Variants in LANCL3 observed in about 807,000 individuals in gnomAD.
LANCL3 encodes the protein LanC like family member 3.
A neutral mutation model predicts 26.5 loss-of-function variants in LANCL3; 19 were observed. The ratio of observed to expected loss-of-function variants is 0.72; its 90% confidence interval spans 0.50 to 1.05. The LOEUF (loss-of-function observed/expected upper bound fraction) is 1.05. Among genes scored for constraint, LANCL3 ranks in the 50% least tolerant of loss-of-function variants. The probability of loss-of-function intolerance (pLI) is 0.00; values close to 1 mark genes in which losing one functional copy is unlikely to be tolerated. For missense variants in LANCL3, 318 were observed against 362.7 expected (o/e 0.88, Z 1.00); for synonymous variants, 160 against 166.6 (o/e 0.96, Z 0.30).
chrX:37,638,395 G>A (rs1408491071), intron 1 of LANCL3, among the ~76,000 whole-genome samples: 1 of 111,480 alleles, frequency 9.0e-6, no homozygotes. Flanking sequence ...GTATCAGCCT[G>A]GAGGTAATGT....
In LANCL3 at chrX:37,589,408, A is replaced by G. The variant is rs186372660; in HGVS notation, c.573+16965A>G. On this transcript the variant is annotated intron_variant, in intron 1 of 4. Coordinates refer to ENST00000378619, the MANE Select transcript of LANCL3 (RefSeq NM_001170331.2). ...GCACCTACCTCATAGGTGTGCTAGG[A>G]AGGGCCACTGAGAATGTGTGGTAAC... Among the ~76,000 whole-genome samples, 878 of 111,285 alleles carry G rather than the reference A, an allele frequency of 7.9e-3. 5 individuals carry two copies. Among genetic ancestry groups the G allele is most frequent in the African/African-American group, 0.027 (834 of 30,475 alleles).
At chrX:37,675,323 G>GA (rs1926769997) in intron 4 of LANCL3, among the ~76,000 whole-genome samples, 1 of 112,056 alleles carries the variant, frequency 8.9e-6, no homozygotes, top group Non-Finnish European at 1.9e-5. Flanking sequence ...TTCTTTTCAA[G>GA]ATAAATAAAA....
intron 4 of LANCL3, among the ~76,000 whole-genome samples, chrX:37,672,661 C>G (rs1444865607): frequency 8.9e-6 from 1 of 111,754 alleles, no homozygotes; most frequent in Non-Finnish European, 1.9e-5. Context: ...AAGCTCAAAA[C>G]CAGAAGTCTT....
At position 37,680,158 on chromosome X, in the gene LANCL3, T is replaced by C. The variant is rs782743338; in HGVS notation, c.*4345T>C. On this transcript the variant is annotated 3_prime_UTR_variant, in exon 5 of 5. Transcript: ENST00000378619. Reference sequence around the variant, plus strand: ...ACCTCAAGGTCAGCAGCAACAGAAGTTGGGCCTAGTAGTCAGATCACAAGT... The same window carrying C: ...ACCTCAAGGTCAGCAGCAACAGAAGCTGGGCCTAGTAGTCAGATCACAAGT... The C allele has an allele frequency of 1.8e-5, 2 of 111,444 alleles. No homozygotes were observed. Among genetic ancestry groups the C allele is most frequent in the Admixed American group, 9.5e-5 (1 of 10,476 alleles). 9.2% of individuals were successfully genotyped at this position (111,444 alleles called of 1,213,427 possible).
Position 37,634,411 on chromosome X carries a change from C to T in LANCL3, c.574-21277C>T, listed in dbSNP as rs782413578. ...GCGCTTCCTGAGTGAGGCAATGCCT[C>T]GCCCTGCTTCGGCTCGCACATGGTG... On this transcript the variant is annotated intron_variant, in intron 1 of 4. Coordinates refer to ENST00000378619, the MANE Select transcript of LANCL3 (RefSeq NM_001170331.2). Among the ~76,000 whole-genome samples, 9 of 113,167 alleles carry T rather than the reference C, an allele frequency of 8.0e-5. No homozygotes were observed. The South Asian group carries it at 3.3e-3, about 41-fold the overall frequency.
Position 37,678,280 on chromosome X carries a change from A to T in LANCL3, c.*2467A>T, listed in dbSNP as rs1443896069. 9.0e-6 allele frequency: 1 copy of T among 110,932 alleles called. No individual in the cohort carries two copies. Among genetic ancestry groups the T allele is most frequent in the Non-Finnish European group, 1.9e-5 (1 of 52,767 alleles). The allele number at this position is 110,932 out of a possible 1,213,427, so 9.1% of individuals were successfully genotyped here. On this transcript the variant is annotated 3_prime_UTR_variant, in exon 5 of 5. Coordinates refer to ENST00000378619, the MANE Select transcript of LANCL3 (RefSeq NM_001170331.2). ...TTCCAAGAAGGGGAAAACGATTCTT[A>T]CATTTTGCTGTAGGAAAGTGTGGCA...
chrX:37,677,337 G>T lies in LANCL3; in HGVS notation c.*1524G>T, dbSNP rs1313682844. 1 of 111,085 alleles carries T rather than the reference G, an allele frequency of 9.0e-6. No homozygotes were observed. Among genetic ancestry groups the T allele is most frequent in the Non-Finnish European group, 1.9e-5 (1 of 52,857 alleles). 9.2% of individuals were successfully genotyped at this position (111,085 alleles called of 1,213,427 possible). A position where few individuals can be genotyped will look rare whatever the true frequency, so the allele number is the denominator to read the frequency against. Reference sequence around the variant, plus strand: ...TGTATGTGTATGGACCAGTTTGTTTGTGTGTGTGTGTGCTCATTTTGAGGG... The same window carrying T: ...TGTATGTGTATGGACCAGTTTGTTTTTGTGTGTGTGTGCTCATTTTGAGGG... On this transcript the variant is annotated 3_prime_UTR_variant, in exon 5 of 5. Coordinates refer to ENST00000378619, the MANE Select transcript of LANCL3 (RefSeq NM_001170331.2).
chrX:37,660,542 A>T (rs782344325), intron 3 of LANCL3, among the ~76,000 whole-genome samples: 1 of 111,788 alleles, frequency 8.9e-6, no homozygotes, highest in Non-Finnish European at 1.9e-5. Flanking sequence ...AAAAAAGTTA[A>T]ATTCAAATAA....
chrX:37,602,566 A>C (rs1184692174), intron 1 of LANCL3, among the ~76,000 whole-genome samples: 1 of 111,823 alleles, frequency 8.9e-6, no homozygotes, highest in Non-Finnish European at 1.9e-5. Flanking sequence ...TATTTCTCTA[A>C]TGATGTTAGT....
chrX:37,614,714 A>G (rs1924961842), intron 1 of LANCL3, among the ~76,000 whole-genome samples: 1 of 112,157 alleles, frequency 8.9e-6, no homozygotes, highest in Admixed American at 9.4e-5. Context: ...CATTGAGTGG[A>G]TACTTCTGAA....
intron 1 of LANCL3, among the ~76,000 whole-genome samples, chrX:37,651,985 C>T (rs1287524982): frequency 2.8e-5 from 3 of 108,055 alleles, no homozygotes; most frequent in Non-Finnish European, 3.8e-5. Context: ...TGGACCCATT[C>T]CTGACCTGTC....
chrX:37,583,365 T>C (rs1923958314), intron 1 of LANCL3, among the ~76,000 whole-genome samples: 1 of 112,140 alleles, frequency 8.9e-6, no homozygotes, highest in Non-Finnish European at 1.9e-5. Context: ...AAGTCATTGG[T>C]AGCTTGATGG....
intron 1 of LANCL3, among the ~76,000 whole-genome samples, chrX:37,628,466 C>CT (rs782021615): frequency 6.2e-4 from 68 of 109,415 alleles, no homozygotes; most frequent in Non-Finnish European, 1.1e-3. Context: ...TATTATTATA[C>CT]TTTAAGATTT....
intron 1 of LANCL3, among the ~76,000 whole-genome samples, chrX:37,634,427 G>A (rs1925643805): frequency 1.8e-5 from 2 of 112,817 alleles, no homozygotes; most frequent in South Asian, 3.6e-4. Context: ...GCTTCGGCTC[G>A]CACATGGTGC....
At chrX:37,657,981 C>A (rs1926326969) in intron 2 of LANCL3, among the ~76,000 whole-genome samples, 1 of 111,936 alleles carries the variant, frequency 8.9e-6, no homozygotes, top group African/African-American at 3.2e-5. Context: ...TAGTACTGCC[C>A]ACTAATCGGG....
chrX:37,630,259 A>G lies in LANCL3; in HGVS notation c.574-25429A>G, dbSNP rs1556423926. 3.6e-5 allele frequency among the ~76,000 whole-genome samples: 4 copies of G among 111,354 alleles called. 1 individual carries two copies. The highest frequency in any genetic ancestry group is 8.4e-3 in the Middle Eastern group (2 of 239). On this transcript the variant is annotated intron_variant, in intron 1 of 4. Transcript: ENST00000378619. ...TGATTTGGCTCTCTGTTTGCCTGTT[A>G]TTGGTGTATAAGAATGCTTGTGGTA...
intron 1 of LANCL3, among the ~76,000 whole-genome samples, chrX:37,644,206 C>T (rs1267744679): frequency 9.0e-6 from 1 of 111,192 alleles, no homozygotes; most frequent in African/African-American, 3.3e-5. Context: ...GCTTTTCTGG[C>T]CAGGAGCATC....
In LANCL3 at chrX:37,571,663, T is replaced by C; in HGVS notation, c.-208T>C. 1 of 373,226 alleles carries C rather than the reference T, an allele frequency of 2.7e-6. No individual in the cohort carries two copies. Among genetic ancestry groups the C allele is most frequent in the Non-Finnish European group, 4.5e-6 (1 of 224,379 alleles). 30.8% of individuals were successfully genotyped at this position (373,226 alleles called of 1,213,427 possible). On this transcript the variant is annotated 5_prime_UTR_variant, in exon 1 of 5. Transcript: ENST00000378619. ...CATCCCCCGCGATCGCCCGGGCCAC[T>C]CGGGAGCCTCGCGGCAGCCCGGCGC... is the stretch of plus-strand genomic sequence containing the variant.
intron 4 of LANCL3, among the ~76,000 whole-genome samples, chrX:37,670,624 A>C (rs1926658810): frequency 9.0e-6 from 1 of 111,214 alleles, no homozygotes; most frequent in South Asian, 3.8e-4. Flanking sequence ...ATTTATATAA[A>C]TATATGAGTT....
Sources: gnomAD v4.1 joint callset for allele counts (sites outside exome capture counted in the v4.1 genomes callset) on GRCh38, gnomAD v4.1.1 for gene constraint, MANE v1.5 for transcripts, NCBI Gene and HGNC (gene_info 2026-07-23, HGNC 2026-07-21) for gene names.